ODAD2: variants seen among roughly 807,000 people sequenced by gnomAD.
ODAD2 encodes the protein outer dynein arm docking complex subunit 2.
In ODAD2, 89 loss-of-function variants were observed where a neutral mutation model predicts 106.8. That is an observed-to-expected ratio of 0.83 (90% confidence interval 0.70 to 0.99). The LOEUF is 0.99. Among genes scored for constraint, ODAD2 ranks in the 50% least tolerant of loss-of-function variants. ODAD2 has a pLI of 0.00. For missense variants in ODAD2, 1,168 were observed against 1,238.5 expected (o/e 0.94, Z 0.85); for synonymous variants, 404 against 436.2 (o/e 0.93, Z 0.92).
In ODAD2 at chr10:27,944,964, T is replaced by A; in HGVS notation, c.1387-2A>T. 1 of 1,613,904 alleles carries A rather than the reference T, an allele frequency of 6.2e-7. No homozygotes were observed. Among genetic ancestry groups the A allele is most frequent in the Non-Finnish European group, 8.5e-7 (1 of 1,179,848 alleles). ...CACTGTAGCTGTTTGATTTCCTCCC[T>A]ACAAAGATGCAATGCCAGAGAAAGG... On this transcript the variant is annotated splice_acceptor_variant, in intron 10 of 19. Coordinates refer to ENST00000305242, the MANE Select transcript of ODAD2 (RefSeq NM_018076.5). LOFTEE classifies it high-confidence loss of function.
At chr10:27,972,108 G>T (rs1848902184) in intron 7 of ODAD2, among the ~76,000 whole-genome samples, 1 of 152,172 alleles carries the variant, frequency 6.6e-6, no homozygotes, top group Non-Finnish European at 1.5e-5. Flanking sequence ...TTTATGACAT[G>T]TAGAAATAAA....
chr10:27,902,336 T>C (rs1241534113), intron 17 of ODAD2, among the ~76,000 whole-genome samples: 1 of 151,922 alleles, frequency 6.6e-6, no homozygotes, highest in African/African-American at 2.4e-5. Flanking sequence ...TAGCACTAAA[T>C]GCCCACAAGA....
chr10:27,877,216 T>A (rs544707606), intron 17 of ODAD2, among the ~76,000 whole-genome samples: 1 of 152,122 alleles, frequency 6.6e-6, no homozygotes, highest in African/African-American at 2.4e-5. Context: ...TCCTCTGGAG[T>A]TGACCTCACA....
At chr10:27,853,810 GA>G (rs1435008548) in intron 19 of ODAD2, among the ~76,000 whole-genome samples, 1 of 152,050 alleles carries the variant, frequency 6.6e-6, no homozygotes, top group Non-Finnish European at 1.5e-5. Context: ...AACTTCAGAA[GA>G]AAGCATGAAA....
chr10:27,837,417 T>C (rs1440424894), intron 19 of ODAD2, among the ~76,000 whole-genome samples: 1 of 152,232 alleles, frequency 6.6e-6, no homozygotes, highest in African/African-American at 2.4e-5. Context: ...CAAGTGATCA[T>C]CTAAGAAAAA....
chr10:27,915,410 A>T (rs969585279), intron 16 of ODAD2, among the ~76,000 whole-genome samples: 1 of 152,098 alleles, frequency 6.6e-6, no homozygotes, highest in Non-Finnish European at 1.5e-5. Context: ...TTAACTTCAC[A>T]TGGTAGAAGG....
At chr10:27,912,832 T>C (rs1844102641) in intron 16 of ODAD2, among the ~76,000 whole-genome samples, 1 of 152,238 alleles carries the variant, frequency 6.6e-6, no homozygotes, top group South Asian at 2.1e-4. Flanking sequence ...TAAATGTATG[T>C]CAGAATTAAA....
intron 13 of ODAD2, among the ~76,000 whole-genome samples, 168 bp downstream of exon 13, chr10:27,940,395 C>T (rs183763757): frequency 2.6e-5 from 4 of 152,026 alleles, no homozygotes; most frequent in Admixed American, 2.6e-4. Flanking sequence ...ATATATATCA[C>T]AGGTACTGAT....
intron 10 of ODAD2, among the ~76,000 whole-genome samples, chr10:27,960,246 T>C (rs766451732): frequency 5.3e-5 from 8 of 151,218 alleles, no homozygotes; most frequent in Non-Finnish European, 1.0e-4. Context: ...AAGTTGAGCA[T>C]TAGGGCTTGT....
intron 19 of ODAD2, among the ~76,000 whole-genome samples, chr10:27,834,643 G>C (rs1837726203): frequency 6.6e-6 from 1 of 152,202 alleles, no homozygotes; most frequent in Non-Finnish European, 1.5e-5. Flanking sequence ...GATCGTGAAA[G>C]GGCTTGTTTA....
intron 17 of ODAD2, among the ~76,000 whole-genome samples, chr10:27,872,198 A>G (rs1242621930): frequency 6.6e-6 from 1 of 152,058 alleles, no homozygotes; most frequent in Admixed American, 6.5e-5. Flanking sequence ...ATTTCTGCAC[A>G]TTGATTTTGT....
At chr10:27,820,234 C>T (rs1163778675) in intron 19 of ODAD2, among the ~76,000 whole-genome samples, 7 of 152,056 alleles carry the variant, frequency 4.6e-5, no homozygotes, top group East Asian at 1.9e-4. Context: ...CCACCCTGTA[C>T]GGCTCTCTTG....
chr10:27,994,233 A>T (rs1245148391), intron 2 of ODAD2, among the ~76,000 whole-genome samples: 1 of 151,914 alleles, frequency 6.6e-6, no homozygotes, highest in Non-Finnish European at 1.5e-5. Flanking sequence ...AGTAATTCTT[A>T]AGAATTCTCT....
At chr10:27,979,837 A>AT (rs1849434152) in intron 7 of ODAD2, among the ~76,000 whole-genome samples, 1 of 152,168 alleles carries the variant, frequency 6.6e-6, no homozygotes, top group Admixed American at 6.5e-5. Context: ...ACCCAATGGC[A>AT]TTTTTTGCAG....
intron 2 of ODAD2, among the ~76,000 whole-genome samples, chr10:27,994,416 T>C (rs1329899948): frequency 6.6e-6 from 1 of 152,106 alleles, no homozygotes; most frequent in African/African-American, 2.4e-5. Context: ...ACCCCATACA[T>C]TTATAGAAAT....
chr10:27,956,652 T>G (rs1847756263), intron 10 of ODAD2, among the ~76,000 whole-genome samples: 1 of 152,152 alleles, frequency 6.6e-6, no homozygotes, highest in South Asian at 2.1e-4. Context: ...CCAACCATGT[T>G]CTCGGCATTA....
intron 12 of ODAD2, among the ~76,000 whole-genome samples, chr10:27,943,795 CAAAAAAAAAAAAAAAAAAAAA>C (rs56059926): frequency 3.1e-4 from 18 of 58,624 alleles, no homozygotes; most frequent in East Asian, 5.9e-4. Flanking sequence ...GGCTCTGTCT[CAAAAAAAAAAAAAAAAAAAAA>C]AAAAAAAAAA....
Position 27,874,290 on chromosome 10 carries a change from G to A in ODAD2, c.2611-11668C>T, listed in dbSNP as rs1841147034. Among the ~76,000 whole-genome samples the A allele has an allele frequency of 3.9e-5, 6 of 152,124 alleles. 1 individual carries two copies. Among genetic ancestry groups the A allele is most frequent in the Admixed American group, 3.9e-4 (6 of 15,278 alleles). On this transcript the variant is annotated intron_variant, in intron 17 of 19. Transcript: ENST00000305242. ...GGTCTCCTGAATACAGCACACTGATGGGTCTTGACTCTTTACCCACTTTGC... is the reference window on the plus strand; with the variant it reads ...GGTCTCCTGAATACAGCACACTGATAGGTCTTGACTCTTTACCCACTTTGC...
In ODAD2 at chr10:27,961,731, A is replaced by G; in HGVS notation, c.1239-16T>C. The G allele has an allele frequency of 6.3e-7, 1 of 1,598,582 alleles. No individual in the cohort carries two copies. The highest frequency in any genetic ancestry group is 8.5e-7 in the Non-Finnish European group (1 of 1,171,696). On this transcript the variant is annotated splice_polypyrimidine_tract_variant and intron_variant, in intron 9 of 19. Transcript: ENST00000305242. ...AGCACTCTTCCTAAGAACAATAACA[A>G]CACACATACACATGTAAGCTATAGT...
Sources: allele counts gnomAD v4.1 joint callset (sites outside exome capture counted in the v4.1 genomes callset), GRCh38; gene constraint gnomAD v4.1.1; transcripts MANE v1.5; gene names NCBI Gene and HGNC (gene_info 2026-07-23, HGNC 2026-07-21).